Variants in MEMO1 observed in about 807,000 individuals in gnomAD.
The protein encoded by MEMO1 is mediator of cell motility 1, also known as protein MEMO1.
Under a neutral mutation model 45.2 loss-of-function variants are expected in MEMO1, and 6 were observed. The observed-to-expected ratio is 0.13, with a 90% confidence interval of 0.07 to 0.26. MEMO1 has a LOEUF of 0.26. Ranked by LOEUF, MEMO1 falls within the 10% of genes least tolerant of loss-of-function variation. The pLI is 1.00. For missense variants in MEMO1, 184 were observed against 370.5 expected (o/e 0.50, Z 4.13); for synonymous variants, 78 against 124.3 (o/e 0.63, Z 2.48).
At chr2:31,873,689 A>G (rs1674126916) in intron 8 of MEMO1, among the ~76,000 whole-genome samples, 1 of 152,170 alleles carries the variant, frequency 6.6e-6, no homozygotes, top group South Asian at 2.1e-4. Flanking sequence ...TTTTAATTCC[A>G]ACCACATAAT....
chr2:32,001,536 T>C (rs1000673679), intron 2 of MEMO1, among the ~76,000 whole-genome samples: 3 of 152,190 alleles, frequency 2.0e-5, no homozygotes, highest in Non-Finnish European at 4.4e-5. Flanking sequence ...TAGTTCAACT[T>C]CTCACTCTGG....
rs533054160 is a variant in MEMO1 at position 31,886,909 on chromosome 2, G to A, written c.581-3447C>T. ...GACACTGCCCCTAGGGGCAGCACAAGCTTTGGAACTCCCCTAGTGAGTATG... is the reference window on the plus strand; with the variant it reads ...GACACTGCCCCTAGGGGCAGCACAAACTTTGGAACTCCCCTAGTGAGTATG... On this transcript the variant is annotated intron_variant, in intron 7 of 9. Coordinates refer to ENST00000404530, the MANE Select transcript of MEMO1 (RefSeq NM_001301833.4). Among the ~76,000 whole-genome samples, 15 of 152,296 alleles carry A rather than the reference G, an allele frequency of 9.8e-5. No homozygotes were observed. The South Asian group carries it at 3.1e-3, about 32-fold the overall frequency.
At chr2:32,001,399 AC>A (rs1157080078) in intron 2 of MEMO1, among the ~76,000 whole-genome samples, 2 of 152,082 alleles carry the variant, frequency 1.3e-5, no homozygotes, top group Non-Finnish European at 2.9e-5. Context: ...ATTAAAATAT[AC>A]CAATTATTTT....
intron 6 of MEMO1, among the ~76,000 whole-genome samples, chr2:31,902,755 GTTTT>G (rs201591270): frequency 6.7e-6 from 1 of 150,246 alleles, no homozygotes; most frequent in East Asian, 2.0e-4. Context: ...TGTTTGTTTT[GTTTT>G]TTTTTGTTTA....
intron 7 of MEMO1, among the ~76,000 whole-genome samples, chr2:31,887,731 T>C (rs113865557): frequency 6.6e-6 from 1 of 152,134 alleles, no homozygotes; most frequent in African/African-American, 2.4e-5. Flanking sequence ...ACTAAATATG[T>C]AAAATCTGCA....
intron 2 of MEMO1, among the ~76,000 whole-genome samples, chr2:31,957,790 A>C (rs1667572520): frequency 6.6e-6 from 1 of 152,246 alleles, no homozygotes; most frequent in Non-Finnish European, 1.5e-5. Flanking sequence ...CTCCACTCTG[A>C]CTTCGTCAGC....
chr2:31,923,550 G>A, intron 4 of MEMO1: 1 of 1,323,126 alleles, frequency 7.6e-7, no homozygotes, highest in African/African-American at 1.5e-5. Flanking sequence ...ATGACACTTT[G>A]TTTTAAATTA....
intron 2 of MEMO1, among the ~76,000 whole-genome samples, chr2:32,004,894 T>C (rs1673856059): frequency 6.8e-6 from 1 of 147,616 alleles, no homozygotes; most frequent in Non-Finnish European, 1.5e-5. Context: ...ACCACTGCAC[T>C]CCAGCCTGGG....
intron 2 of MEMO1, among the ~76,000 whole-genome samples, chr2:31,947,363 T>G (rs200319400): frequency 6.6e-6 from 1 of 152,212 alleles, no homozygotes; most frequent in Admixed American, 6.5e-5. Flanking sequence ...TAATTAAGCA[T>G]ACCTATTTAT....
At chr2:32,007,532 T>C (rs1256699996) in intron 2 of MEMO1, among the ~76,000 whole-genome samples, 1 of 150,724 alleles carries the variant, frequency 6.6e-6, no homozygotes, top group Non-Finnish European at 1.5e-5. Flanking sequence ...TATGTAATAT[T>C]TATATATGTA....
At chr2:31,872,045 A>ACACACACACACACACACACAC (rs1553355618) in intron 8 of MEMO1, among the ~76,000 whole-genome samples, 6 of 151,696 alleles carry the variant, frequency 4.0e-5, no homozygotes, top group African/African-American at 1.5e-4. Context: ...ACACACACAC[A>ACACACACACACACACACACAC]AAGTTAAACC....
chr2:31,902,559 A>T (rs759081863), intron 6 of MEMO1, among the ~76,000 whole-genome samples: 11 of 152,160 alleles, frequency 7.2e-5, no homozygotes, highest in Admixed American at 2.0e-4. Context: ...CAATTTTGCC[A>T]TCTGAAAAAA....
At chr2:31,953,429 G>A (rs1207552426) in intron 2 of MEMO1, among the ~76,000 whole-genome samples, 1 of 147,710 alleles carries the variant, frequency 6.8e-6, no homozygotes, top group African/African-American at 2.5e-5. Flanking sequence ...GACTTACTAT[G>A]TAAATCAGTA....
At chr2:31,871,510 C>T (rs1374283367) in intron 8 of MEMO1, among the ~76,000 whole-genome samples, 1 of 134,994 alleles carries the variant, frequency 7.4e-6, no homozygotes, top group Non-Finnish European at 1.6e-5. Flanking sequence ...CACACACACA[C>T]ACACACACAT....
chr2:31,883,242 G>T, intron 8 of MEMO1, 144 bp downstream of exon 8: 1 of 641,472 alleles, frequency 1.6e-6, no homozygotes, highest in South Asian at 2.2e-5. Flanking sequence ...CTTATAGTCA[G>T]TATTTATATG....
intron 4 of MEMO1, among the ~76,000 whole-genome samples, chr2:31,929,671 T>C (rs1433979007): frequency 1.3e-5 from 2 of 152,218 alleles, no homozygotes; most frequent in African/African-American, 4.8e-5. Context: ...CCACCCACTT[T>C]TAAATTCTGG....
chr2:31,981,200 G>T (rs1670594971), intron 2 of MEMO1, among the ~76,000 whole-genome samples: 1 of 152,204 alleles, frequency 6.6e-6, no homozygotes, highest in African/African-American at 2.4e-5. Flanking sequence ...CCCACAGACA[G>T]TTCTTACTAC....
At chr2:31,975,288 A>G (rs957427403) in intron 2 of MEMO1, among the ~76,000 whole-genome samples, 6 of 152,262 alleles carry the variant, frequency 3.9e-5, no homozygotes, top group Admixed American at 6.5e-5. Context: ...CAGTTTGGTA[A>G]GTAGGATGAT....
At chr2:31,919,898 G>A (rs766255919) in intron 5 of MEMO1, among the ~76,000 whole-genome samples, 4 of 151,478 alleles carry the variant, frequency 2.6e-5, no homozygotes, top group African/African-American at 4.9e-5. Context: ...ATATGGGCGT[G>A]TGTGTACATA....
Sources: gnomAD v4.1 joint callset for allele counts (sites outside exome capture counted in the v4.1 genomes callset) on GRCh38, gnomAD v4.1.1 for gene constraint, MANE v1.5 for transcripts, NCBI Gene and HGNC (gene_info 2026-07-23, HGNC 2026-07-21) for gene names.